TTC34: variants seen among roughly 807,000 people sequenced by gnomAD.
TTC34 encodes tetratricopeptide repeat protein 34.
In TTC34, 44 loss-of-function variants were observed where a neutral mutation model predicts 40.7. The ratio of observed to expected loss-of-function variants is 1.08; its 90% confidence interval spans 0.85 to 1.39. The LOEUF (loss-of-function observed/expected upper bound fraction) is 1.39. TTC34 is among the 40% of genes most tolerant of loss of function. The pLI, the probability that TTC34 is intolerant of heterozygous loss-of-function variation, is 0.00. For missense variants in TTC34, 884 were observed against 838.0 expected, an observed-to-expected ratio of 1.05 and a Z score of -0.68; for synonymous variants, 422 against 398.6, an observed-to-expected ratio of 1.06 and a Z score of -0.70.
intron 6 of TTC34, among the ~76,000 whole-genome samples, chr1:2,749,437 C>A (rs1641245032): frequency 1.4e-5 from 2 of 142,888 alleles, no homozygotes; most frequent in East Asian, 2.0e-4. Flanking sequence ...TGGAACAGCA[C>A]CGACACCCCC....
intron 6 of TTC34, among the ~76,000 whole-genome samples, chr1:2,778,185 A>G (rs867303838): frequency 6.6e-6 from 1 of 152,216 alleles, no homozygotes. Context: ...CCTGGCCTCC[A>G]GGATTGCTTT....
intron 6 of TTC34, among the ~76,000 whole-genome samples, chr1:2,695,008 T>G (rs1358170030): frequency 4.6e-5 from 7 of 151,540 alleles, no homozygotes; most frequent in African/African-American, 1.2e-4. Context: ...GGTGAGGATC[T>G]GACAGCCTGG....
intron 2 of TTC34, among the ~76,000 whole-genome samples, chr1:2,794,202 C>T (rs896538028): frequency 6.6e-6 from 1 of 151,878 alleles, no homozygotes; most frequent in Admixed American, 6.6e-5. Flanking sequence ...AGACCAGTTC[C>T]CACTATGTTG....
chr1:2,645,054 C>T lies in TTC34; in HGVS notation c.2497+239G>A, dbSNP rs1374235770. ...CCTTTCAAAGACCAAGATCACCCCT[C>T]GGTTTCTCCTCCATTGCAAGCAAAG... On this transcript the variant is annotated intron_variant, in intron 7 of 8. Coordinates refer to ENST00000401095, the Ensembl canonical transcript of TTC34. This position sits in a 1 kb window ranked among gnomAD's most constrained non-coding sequence, Gnocchi z 4.7. Among the ~76,000 whole-genome samples, 6 of 152,150 alleles carry T rather than the reference C, an allele frequency of 3.9e-5. No individual in the cohort carries two copies. The highest frequency in any genetic ancestry group is 2.0e-4 in the Admixed American group (3 of 15,278).
chr1:2,644,111 A>G (rs1638969392), intron 8 of TTC34, among the ~76,000 whole-genome samples, 153 bp downstream of exon 8: 1 of 152,228 alleles, frequency 6.6e-6, no homozygotes, highest in African/African-American at 2.4e-5. Flanking sequence ...TTCCTGGGCC[A>G]GAAGTGGGTG....
intron 6 of TTC34, among the ~76,000 whole-genome samples, chr1:2,656,397 C>T (rs1465576075): frequency 4.7e-4 from 2 of 4,242 alleles, no homozygotes; most frequent in Non-Finnish European, 9.5e-4. Flanking sequence ...CATCTGACAG[C>T]ATGTAACAGC....
intron 6 of TTC34, among the ~76,000 whole-genome samples, chr1:2,691,976 C>T (rs1405905081): frequency 2.6e-5 from 2 of 77,688 alleles, no homozygotes; most frequent in Non-Finnish European, 5.8e-5. Context: ...ACTGGAACAG[C>T]TCCCACACCC....
intron 6 of TTC34, among the ~76,000 whole-genome samples, chr1:2,657,468 C>T (rs1201736910): frequency 2.3e-5 from 2 of 86,230 alleles, no homozygotes; most frequent in Admixed American, 1.1e-4. Context: ...CGCCCCCAGG[C>T]GAGCATCTGA....
chr1:2,794,413 G>T (rs979678945), intron 2 of TTC34, among the ~76,000 whole-genome samples: 1 of 152,128 alleles, frequency 6.6e-6, no homozygotes, highest in Non-Finnish European at 1.5e-5. Flanking sequence ...ATGGGACACA[G>T]GGCATCTATT....
intron 6 of TTC34, among the ~76,000 whole-genome samples, chr1:2,683,222 C>G (rs1640156492): frequency 6.7e-6 from 1 of 149,490 alleles, no homozygotes; most frequent in South Asian, 2.1e-4. Context: ...CCTGGGTCGG[C>G]ACCCACACCC....
chr1:2,779,259 C>T (rs1402540047), intron 6 of TTC34, among the ~76,000 whole-genome samples: 1 of 152,122 alleles, frequency 6.6e-6, no homozygotes, highest in Non-Finnish European at 1.5e-5. Flanking sequence ...CTAAAAGACC[C>T]TACTTCCATT....
At chr1:2,749,435 C>A (rs1641245012) in intron 6 of TTC34, among the ~76,000 whole-genome samples, 2 of 135,788 alleles carry the variant, frequency 1.5e-5, no homozygotes, top group East Asian at 2.1e-4. Context: ...CCTGGAACAG[C>A]ACCGACACCC....
intron 6 of TTC34, among the ~76,000 whole-genome samples, chr1:2,780,054 CAGTGAGCTGAGAT>C (rs1334385720): frequency 6.6e-6 from 1 of 152,172 alleles, no homozygotes; most frequent in Non-Finnish European, 1.5e-5. Context: ...GCGGAAGTTG[CAGTGAGCTGAGAT>C]CCCGCCACTG....
At chr1:2,697,214 C>T (rs1396156106) in intron 6 of TTC34, among the ~76,000 whole-genome samples, 1 of 88,374 alleles carries the variant, frequency 1.1e-5, no homozygotes, top group African/African-American at 4.4e-5. Context: ...CCCAGGTGAG[C>T]ATCTGACAGC....
intron 6 of TTC34, among the ~76,000 whole-genome samples, chr1:2,688,837 G>C (rs564833667): frequency 2.3e-5 from 1 of 42,558 alleles, no homozygotes; most frequent in South Asian, 8.3e-4. Flanking sequence ...TGACAGCCTG[G>C]AACAGCACCC....
Position 2,795,401 on chromosome 1 carries a change from C to T in TTC34, c.784+4643G>A, listed in dbSNP as rs543272817. On this transcript the variant is annotated intron_variant, in intron 2 of 8. Transcript: ENST00000401095. ...TACCGGACAAGAGACTCTAAGGTGGCCTCACTCATGTGTCCGGGGCCTTGG... is the reference window on the plus strand; with the variant it reads ...TACCGGACAAGAGACTCTAAGGTGGTCTCACTCATGTGTCCGGGGCCTTGG... 3.4e-3 allele frequency among the ~76,000 whole-genome samples: 522 copies of T among 152,322 alleles called. 3 individuals carry two copies. Among genetic ancestry groups the T allele is most frequent in the Non-Finnish European group, 4.3e-3 (295 of 68,026 alleles).
intron 6 of TTC34, among the ~76,000 whole-genome samples, chr1:2,687,593 A>C (rs562708036): frequency 6.7e-6 from 1 of 149,076 alleles, no homozygotes; most frequent in East Asian, 2.0e-4. Context: ...GACAGCCTGG[A>C]ACAGCACCCA....
At chr1:2,789,966 C>T (rs1231442522) in exon 3 of TTC34, 40 of 391,780 alleles carry the variant, frequency 1.0e-4, no homozygotes, top group Non-Finnish European at 1.8e-4. Context: ...GCCCGGGCGC[C>T]CGCCGCGTCC....
Position 2,684,651 on chromosome 1 carries a change from C to A in TTC34, c.2227-39088G>T, listed in dbSNP as rs1169382787. Among the ~76,000 whole-genome samples, 11 of 134,286 alleles carry A rather than the reference C, an allele frequency of 8.2e-5. 1 individual carries two copies. Among genetic ancestry groups the A allele is most frequent in the Non-Finnish European group, 1.4e-4 (9 of 64,764 alleles). 88.1% of individuals were successfully genotyped at this position (134,286 alleles called of 152,430 possible). Reference sequence around the variant, plus strand: ...GGCATCCTCACCTCCAGGTGAGCATCCGACAGCCTGGAGCAGCACCCACAC... The same window carrying A: ...GGCATCCTCACCTCCAGGTGAGCATACGACAGCCTGGAGCAGCACCCACAC... On this transcript the variant is annotated intron_variant, in intron 6 of 8. Transcript: ENST00000401095.
Sources: gnomAD v4.1 joint callset for allele counts (sites outside exome capture counted in the v4.1 genomes callset) on GRCh38, gnomAD v4.1.1 for gene constraint, Gnocchi (gnomAD v3.1) non-coding constraint, MANE v1.5 for transcripts, NCBI Gene and HGNC (gene_info 2026-07-23, HGNC 2026-07-21) for gene names.